LGSN: variants seen among roughly 807,000 people sequenced by gnomAD.
LGSN encodes the protein lengsin.
In LGSN, 21 loss-of-function variants were observed where a neutral mutation model predicts 19.5. The ratio of observed to expected loss-of-function variants is 1.07; its 90% CI spans 0.76 to 1.55. The LOEUF (loss-of-function observed/expected upper bound fraction) is 1.55. LGSN is among the 40% of genes most tolerant of loss of function. The probability of loss-of-function intolerance (pLI) is 0.00; values close to 1 mark genes in which losing one functional copy is unlikely to be tolerated. For missense variants in LGSN, 673 were observed against 608.5 expected, an observed-to-expected ratio of 1.11 and a Z score of -1.12; for synonymous variants, 257 against 215.6, an observed-to-expected ratio of 1.19 and a Z score of -1.68.
chr6:63,485,063 G>C, the LGSN span, among the ~76,000 whole-genome samples: 10 of 151,652 alleles, frequency 6.6e-5, no homozygotes, highest in Admixed American at 6.6e-4. Flanking sequence ...TTTAAGTTCA[G>C]GGTTACATGC....
the LGSN span, among the ~76,000 whole-genome samples, chr6:63,483,036 C>T: frequency 2.0e-5 from 3 of 152,182 alleles, no homozygotes; most frequent in Non-Finnish European, 2.9e-5. Context: ...CCACTTACTG[C>T]ATGTCAGGCA....
the LGSN span, among the ~76,000 whole-genome samples, chr6:63,543,836 C>A: frequency 6.6e-6 from 1 of 152,168 alleles, no homozygotes; most frequent in Non-Finnish European, 1.5e-5. Context: ...ATAAGAGTTT[C>A]TTTTAGATCC....
At chr6:63,548,897 G>A in the LGSN span, 2 of 873,366 alleles carry the variant, frequency 2.3e-6, no homozygotes, top group Admixed American at 1.7e-5. Flanking sequence ...TAACCTGTAT[G>A]AAGGCGACAG....
chr6:63,394,789 C>T, the LGSN span, among the ~76,000 whole-genome samples: 12 of 152,220 alleles, frequency 7.9e-5, no homozygotes, highest in African/African-American at 2.7e-4. Context: ...TGCCCCTGCC[C>T]AGGACTGCCG....
the LGSN span, among the ~76,000 whole-genome samples, chr6:63,473,100 A>G: frequency 6.6e-6 from 1 of 152,034 alleles, no homozygotes; most frequent in Non-Finnish European, 1.5e-5. Flanking sequence ...CAATTAACTG[A>G]GCTCAAGGAA....
At chr6:63,387,454 T>C in the LGSN span, among the ~76,000 whole-genome samples, 16,449 of 152,178 alleles carry the variant, frequency 0.11, 1,844 homozygotes, top group African/African-American at 0.29. Flanking sequence ...ATAAAGTATA[T>C]AGAAGCATAT....
chr6:63,548,998 G>A, the LGSN span: 3 of 730,658 alleles, frequency 4.1e-6, no homozygotes, highest in Admixed American at 1.9e-5. Flanking sequence ...CACAGGGCAG[G>A]CAAGAAGACA....
intron 1 of LGSN, among the ~76,000 whole-genome samples, chr6:63,302,350 G>T (rs1372045512): frequency 6.6e-6 from 1 of 152,130 alleles, no homozygotes; most frequent in Non-Finnish European, 1.5e-5. Context: ...TAATTCTGAT[G>T]AACTTTCTTA....
At position 63,279,910 on chromosome 6, in the gene LGSN, G is replaced by A. The variant is rs1350579129; in HGVS notation, c.*111C>T. The A allele has an allele frequency of 1.5e-5, 15 of 1,029,420 alleles. No homozygotes were observed. The highest frequency in any genetic ancestry group is 1.2e-4 in the Admixed American group (5 of 40,534). 63.8% of individuals were successfully genotyped at this position (1,029,420 alleles called of 1,614,324 possible). ...ACAAAAAAAAAAGTCAAAAGCATTCGTAATCTTGTTATTGTTGCTGTTGTT... is the reference window on the plus strand; with the variant it reads ...ACAAAAAAAAAAGTCAAAAGCATTCATAATCTTGTTATTGTTGCTGTTGTT... On this transcript the variant is annotated 3_prime_UTR_variant, in exon 4 of 4. Coordinates refer to ENST00000370657, the MANE Select transcript of LGSN (RefSeq NM_016571.3).
At chr6:63,360,054 CT>C in the LGSN span, among the ~76,000 whole-genome samples, 1 of 152,158 alleles carries the variant, frequency 6.6e-6, no homozygotes, top group Non-Finnish European at 1.5e-5. Context: ...ACGGGCTTCC[CT>C]TTGTGAGTAA....
At chr6:63,467,876 G>A in the LGSN span, among the ~76,000 whole-genome samples, 2 of 151,956 alleles carry the variant, frequency 1.3e-5, no homozygotes, top group Admixed American at 1.3e-4. Context: ...ATTTTTAGTA[G>A]AAATGGCGTC....
the LGSN span, among the ~76,000 whole-genome samples, chr6:63,519,399 G>A: frequency 6.6e-6 from 1 of 152,050 alleles, no homozygotes; most frequent in Non-Finnish European, 1.5e-5. Flanking sequence ...TTTGAATTTT[G>A]AAAACACTTC....
At chr6:63,364,648 A>G in the LGSN span, among the ~76,000 whole-genome samples, 1 of 152,220 alleles carries the variant, frequency 6.6e-6, no homozygotes, top group Admixed American at 6.6e-5. Context: ...TCTCAGAACC[A>G]GCTCACACTT....
chr6:63,538,466 T>C, the LGSN span, among the ~76,000 whole-genome samples: 8 of 152,330 alleles, frequency 5.3e-5, no homozygotes, highest in Middle Eastern at 3.4e-3. Context: ...ATTAGATTAG[T>C]TTAATTTGAA....
At chr6:63,570,388 T>A in the LGSN span, among the ~76,000 whole-genome samples, 7 of 152,226 alleles carry the variant, frequency 4.6e-5, no homozygotes, top group African/African-American at 1.7e-4. Flanking sequence ...CCTTATTTTT[T>A]CATCCTTTAA....
At chr6:63,545,332 G>A in the LGSN span, among the ~76,000 whole-genome samples, 2 of 152,170 alleles carry the variant, frequency 1.3e-5, no homozygotes, top group Admixed American at 1.3e-4. Flanking sequence ...TTCTTAGGCT[G>A]GGTGTGGTGG....
the LGSN span, among the ~76,000 whole-genome samples, chr6:63,388,528 G>T: frequency 1.3e-5 from 2 of 152,130 alleles, no homozygotes; most frequent in Non-Finnish European, 2.9e-5. Context: ...CTGAACACAG[G>T]TGCACAGAGG....
chr6:63,476,031 A>T, the LGSN span, among the ~76,000 whole-genome samples: 7 of 152,158 alleles, frequency 4.6e-5, no homozygotes, highest in Admixed American at 2.6e-4. Flanking sequence ...GATAAAGGAC[A>T]TTATTATGTA....
At chr6:63,446,845 T>A in the LGSN span, among the ~76,000 whole-genome samples, 1 of 151,132 alleles carries the variant, frequency 6.6e-6, no homozygotes, top group Non-Finnish European at 1.5e-5. Context: ...AGGTTGGGAG[T>A]TTGAGACCAG....
Sources: allele counts gnomAD v4.1 joint callset (sites outside exome capture counted in the v4.1 genomes callset), GRCh38; gene constraint gnomAD v4.1.1; transcripts MANE v1.5; gene names NCBI Gene and HGNC (gene_info 2026-07-23, HGNC 2026-07-21).